LHFPL3: variants seen among roughly 807,000 people sequenced by gnomAD.
LHFPL3 encodes the protein LHFPL tetraspan subfamily member 3 protein.
In LHFPL3, 5 loss-of-function variants were observed where a neutral mutation model predicts 19.3. The observed-to-expected ratio is 0.26, with a 90% CI of 0.14 to 0.54. LHFPL3 has a LOEUF of 0.54. Among genes scored for constraint, LHFPL3 ranks in the 20% least tolerant of loss-of-function variants. LHFPL3 has a pLI of 0.94. For missense variants in LHFPL3, 249 were observed against 307.4 expected (o/e 0.81, Z 1.42); for synonymous variants, 133 against 126.2 (o/e 1.05, Z -0.36).
chr7:104,765,261 A>G (rs749944027), intron 2 of LHFPL3, among the ~76,000 whole-genome samples: 1 of 152,242 alleles, frequency 6.6e-6, no homozygotes, highest in Non-Finnish European at 1.5e-5. Context: ...AGAAAAAGTT[A>G]TGACTCTAGC....
At chr7:104,573,003 A>G (rs1404741675) in intron 1 of LHFPL3, among the ~76,000 whole-genome samples, 1 of 151,636 alleles carries the variant, frequency 6.6e-6, no homozygotes, top group African/African-American at 2.4e-5. Flanking sequence ...TTTTCATGAC[A>G]TTTACATTAA....
intron 2 of LHFPL3, among the ~76,000 whole-genome samples, chr7:104,762,527 T>A (rs1048201390): frequency 6.6e-6 from 1 of 152,018 alleles, no homozygotes; most frequent in Non-Finnish European, 1.5e-5. Context: ...AAGGACAAGA[T>A]GGTGGGGAAC....
At chr7:104,449,410 T>C (rs1193368387) in intron 1 of LHFPL3, among the ~76,000 whole-genome samples, 1 of 152,208 alleles carries the variant, frequency 6.6e-6, no homozygotes, top group Non-Finnish European at 1.5e-5. Flanking sequence ...CTGAGTATAC[T>C]GAGCCAATTT....
intron 2 of LHFPL3, among the ~76,000 whole-genome samples, chr7:104,787,319 T>C (rs1789936844): frequency 6.6e-6 from 1 of 152,206 alleles, no homozygotes; most frequent in Non-Finnish European, 1.5e-5. Context: ...CCTCAAACAA[T>C]AGAAAGCATG....
chr7:104,496,372 T>G (rs1462340703), intron 1 of LHFPL3, among the ~76,000 whole-genome samples: 1 of 152,246 alleles, frequency 6.6e-6, no homozygotes, highest in Non-Finnish European at 1.5e-5. Flanking sequence ...TCTATCATTG[T>G]TGGACCTTTG....
intron 1 of LHFPL3, among the ~76,000 whole-genome samples, chr7:104,524,447 G>C (rs568799263): frequency 6.6e-6 from 1 of 152,130 alleles, no homozygotes; most frequent in African/African-American, 2.4e-5. Context: ...GGACCGGCTG[G>C]TACTAACATC....
chr7:104,525,086 T>C (rs1794160842), intron 1 of LHFPL3, among the ~76,000 whole-genome samples: 1 of 152,190 alleles, frequency 6.6e-6, no homozygotes, highest in East Asian at 1.9e-4. Context: ...CTCCTTAAAG[T>C]AATAGTGGGT....
intron 1 of LHFPL3, among the ~76,000 whole-genome samples, chr7:104,724,689 T>G (rs1474497791): frequency 6.6e-6 from 1 of 152,202 alleles, no homozygotes; most frequent in Non-Finnish European, 1.5e-5. Flanking sequence ...TGAAATAATC[T>G]GTACAACAAA....
chr7:104,890,596 G>C (rs1202138275), intron 2 of LHFPL3, among the ~76,000 whole-genome samples: 1 of 152,162 alleles, frequency 6.6e-6, no homozygotes, highest in Admixed American at 6.5e-5. Context: ...AGTGGATTCT[G>C]AACACTGGCC....
In LHFPL3 at chr7:104,358,634, C is replaced by G. The variant is rs78727574; in HGVS notation, c.445+29410C>G. ...ATAAAGACAATACAGCATTGGGTGA[C>G]TTTCACAGAGCCAGTGATGGAGATC... On this transcript the variant is annotated intron_variant, in intron 1 of 2. Transcript: ENST00000424859. 6.7e-3 allele frequency among the ~76,000 whole-genome samples: 1,015 copies of G among 152,322 alleles called. 70 individuals carry two copies. The East Asian group carries it at 0.16, about 24-fold the overall frequency.
At chr7:104,611,404 G>A (rs71558689) in intron 1 of LHFPL3, among the ~76,000 whole-genome samples, 5,675 of 152,272 alleles carry the variant, frequency 0.037, 162 homozygotes, top group Admixed American at 0.071. Flanking sequence ...TACAGGCCAC[G>A]TGGGGAGGGA....
intron 2 of LHFPL3, among the ~76,000 whole-genome samples, chr7:104,761,553 G>C (rs936547281): frequency 1.3e-5 from 2 of 152,102 alleles, no homozygotes; most frequent in African/African-American, 2.4e-5. Context: ...TGGTTTCAGA[G>C]GAACTGATGG....
intron 1 of LHFPL3, among the ~76,000 whole-genome samples, chr7:104,352,134 C>T (rs1790189173): frequency 1.3e-5 from 2 of 151,250 alleles, no homozygotes; most frequent in African/African-American, 2.4e-5. Context: ...CACCGCACTC[C>T]AGCTTGGACC....
chr7:104,604,372 C>G (rs1791049164), intron 1 of LHFPL3, among the ~76,000 whole-genome samples: 1 of 152,296 alleles, frequency 6.6e-6, no homozygotes, highest in Admixed American at 6.5e-5. Flanking sequence ...AACTATTCTG[C>G]CCCGCTAGAG....
At chr7:104,400,506 G>A (rs988956838) in intron 1 of LHFPL3, among the ~76,000 whole-genome samples, 1 of 152,044 alleles carries the variant, frequency 6.6e-6, no homozygotes, top group Non-Finnish European at 1.5e-5. Context: ...AAAATAAAAA[G>A]TCAAATGTTC....
At chr7:104,720,041 A>T (rs1019920803) in intron 1 of LHFPL3, among the ~76,000 whole-genome samples, 2 of 152,332 alleles carry the variant, frequency 1.3e-5, no homozygotes, top group Admixed American at 6.5e-5. Context: ...TATTACAAAA[A>T]AGCCTAGGCA....
intron 1 of LHFPL3, among the ~76,000 whole-genome samples, chr7:104,567,309 C>T (rs891961422): frequency 5.3e-5 from 8 of 152,236 alleles, no homozygotes; most frequent in African/African-American, 1.9e-4. Context: ...CCATTTTAGG[C>T]CCCCTAGATA....
intron 1 of LHFPL3, among the ~76,000 whole-genome samples, chr7:104,437,910 C>T (rs1410214890): frequency 6.6e-6 from 1 of 152,156 alleles, no homozygotes; most frequent in Non-Finnish European, 1.5e-5. Context: ...CCTTTCTCCC[C>T]TTCTCAGAGC....
chr7:104,810,165 T>G (rs1334739180), intron 2 of LHFPL3, among the ~76,000 whole-genome samples: 1 of 152,136 alleles, frequency 6.6e-6, no homozygotes, highest in African/African-American at 2.4e-5. Context: ...AAGTTCTTAG[T>G]GCCTAGAAGG....
Sources: allele counts gnomAD v4.1 joint callset (sites outside exome capture counted in the v4.1 genomes callset), GRCh38; gene constraint gnomAD v4.1.1; transcripts MANE v1.5; gene names NCBI Gene and HGNC (gene_info 2026-07-23, HGNC 2026-07-21).